Variants in LRRC49 observed in about 807,000 individuals in gnomAD.
LRRC49 encodes leucine rich repeat containing 49.
In LRRC49, 50 loss-of-function variants were observed where a neutral mutation model predicts 83.3. That is an observed-to-expected ratio of 0.60 (90% CI 0.48 to 0.76). LRRC49 has a LOEUF of 0.76. LRRC49 is among the 30% of genes least tolerant of loss of function. The pLI is 0.00. For synonymous variants in LRRC49, 286 were observed against 283.3 expected, an observed-to-expected ratio of 1.01 and a Z score of -0.10; for missense variants, 704 against 809.1, an observed-to-expected ratio of 0.87 and a Z score of 1.58.
chr15:70,918,706 G>C (rs1474463547), intron 6 of LRRC49: 1 of 169,298 alleles, frequency 5.9e-6, no homozygotes, highest in Non-Finnish European at 1.3e-5. Flanking sequence ...TATGCCTTGG[G>C]ATCACAGTAT....
intron 2 of LRRC49, among the ~76,000 whole-genome samples, chr15:70,879,502 C>T (rs1411520485): frequency 1.3e-5 from 2 of 152,210 alleles, no homozygotes; most frequent in South Asian, 2.1e-4. Flanking sequence ...CTTGGCTGGA[C>T]TCAAACTCCA....
chr15:70,978,517 G>T (rs1035534289), intron 9 of LRRC49, among the ~76,000 whole-genome samples: 5 of 152,312 alleles, frequency 3.3e-5, no homozygotes, highest in Admixed American at 3.3e-4. Context: ...TCTTGGATAT[G>T]CAAAGACACA....
intron 13 of LRRC49, among the ~76,000 whole-genome samples, chr15:71,012,365 T>C (rs1203946520): frequency 6.6e-6 from 1 of 152,058 alleles, no homozygotes; most frequent in African/African-American, 2.4e-5. Flanking sequence ...AGGGACAAAA[T>C]TATCCCTATA....
At chr15:70,905,763 G>C (rs1199655904) in intron 5 of LRRC49, among the ~76,000 whole-genome samples, 1 of 152,000 alleles carries the variant, frequency 6.6e-6, no homozygotes, top group African/African-American at 2.4e-5. Flanking sequence ...GATTCTTCTT[G>C]GTGTCTCTGT....
chr15:70,894,637 C>T, intron 2 of LRRC49: 2 of 1,287,014 alleles, frequency 1.6e-6, no homozygotes, highest in Non-Finnish European at 2.0e-6. Context: ...CCTCCTTTGA[C>T]CAAGTTGGAA....
At chr15:71,000,888 C>T (rs2038231905) in intron 11 of LRRC49, among the ~76,000 whole-genome samples, 1 of 151,290 alleles carries the variant, frequency 6.6e-6, no homozygotes, top group East Asian at 1.9e-4. Flanking sequence ...GTATTTCTGT[C>T]CTCTCAACCT....
chr15:70,911,257 A>T (rs751584002), intron 5 of LRRC49, among the ~76,000 whole-genome samples: 12 of 152,124 alleles, frequency 7.9e-5, no homozygotes, highest in Non-Finnish European at 1.6e-4. Flanking sequence ...AATGTGAAGA[A>T]CTGCCTTGAA....
At chr15:70,891,600 TGTGTGTGTGTGTGTGTGTGA>T (rs2033570553), upstream of LRRC49, among the ~76,000 whole-genome samples, 1 of 144,256 alleles carries the variant, frequency 6.9e-6, no homozygotes. Context: ...TGTGTGTGTG[TGTGTGTGTGTGTGTGTGTGA>T]GTTTTGGGGG....
chr15:70,866,305 C>T (rs940823643), intron 1 of LRRC49, among the ~76,000 whole-genome samples: 2 of 151,992 alleles, frequency 1.3e-5, no homozygotes, highest in African/African-American at 4.8e-5. Flanking sequence ...TGCCACCATG[C>T]CTGGCTAATT....
intron 7 of LRRC49, among the ~76,000 whole-genome samples, chr15:70,927,048 A>T (rs868213569): frequency 6.6e-6 from 1 of 152,180 alleles, no homozygotes; most frequent in Non-Finnish European, 1.5e-5. Flanking sequence ...ATCTCACACC[A>T]GTTAGAATGG....
At chr15:70,881,793 T>C (rs1366341709) in intron 2 of LRRC49, 2 of 152,238 alleles carry the variant, frequency 1.3e-5, no homozygotes, top group Non-Finnish European at 1.5e-5. Context: ...TGTGTCGCAG[T>C]AAGCACTGAT....
chr15:70,859,530 G>T, intron 1 of LRRC49: 5 of 674,546 alleles, frequency 7.4e-6, no homozygotes, highest in Middle Eastern at 6.9e-4. Flanking sequence ...ATTGCCAACC[G>T]CAGCCAGGCG....
intron 14 of LRRC49, among the ~76,000 whole-genome samples, chr15:71,020,384 G>T (rs1428877279): frequency 1.3e-5 from 2 of 152,134 alleles, no homozygotes; most frequent in African/African-American, 4.8e-5. Context: ...AAGACACAAT[G>T]GAGAGCATAG....
chr15:70,957,672 T>C lies in LRRC49; in HGVS notation c.774-6113T>C, dbSNP rs557746053. Among the ~76,000 whole-genome samples, 48 of 152,102 alleles carry C rather than the reference T, an allele frequency of 3.2e-4. 1 individual carries two copies. The highest frequency in any genetic ancestry group is 1.1e-3 in the African/African-American group (46 of 41,456). On this transcript the variant is annotated intron_variant, in intron 8 of 15. Coordinates refer to ENST00000260382, the MANE Select transcript of LRRC49 (RefSeq NM_017691.5). ...TAATTCTATTGAGTTAGGTTGAGTATTGGAAAAAAAAATGCTCTTCAACAT... is the reference window on the plus strand; with the variant it reads ...TAATTCTATTGAGTTAGGTTGAGTACTGGAAAAAAAAATGCTCTTCAACAT...
intron 11 of LRRC49, among the ~76,000 whole-genome samples, chr15:71,007,001 C>T (rs1042004292): frequency 2.0e-5 from 3 of 152,034 alleles, no homozygotes; most frequent in African/African-American, 7.2e-5. Flanking sequence ...TACTACTACT[C>T]ATTGGATATT....
At chr15:70,938,881 A>G (rs188941783) in intron 8 of LRRC49, among the ~76,000 whole-genome samples, 1 of 152,314 alleles carries the variant, frequency 6.6e-6, no homozygotes, top group African/African-American at 2.4e-5. Flanking sequence ...CAAAACCCAT[A>G]TAGGGATCCT....
chr15:70,859,993 T>C (rs1198355581), intron 1 of LRRC49: 19 of 755,512 alleles, frequency 2.5e-5, no homozygotes, highest in Non-Finnish European at 4.1e-5. Context: ...GCTCCACCTA[T>C]GGGGACCTCA....
At chr15:70,962,129 C>T (rs2036623057) in intron 8 of LRRC49, among the ~76,000 whole-genome samples, 1 of 152,102 alleles carries the variant, frequency 6.6e-6, no homozygotes, top group African/African-American at 2.4e-5. Context: ...CATTCTGATA[C>T]CTCTATACAT....
intron 11 of LRRC49, among the ~76,000 whole-genome samples, chr15:70,989,858 C>T (rs549180229): frequency 6.6e-6 from 1 of 152,226 alleles, no homozygotes; most frequent in East Asian, 1.9e-4. Context: ...CAGACAGGAC[C>T]CTCAGCTGCA....
Sources: gnomAD v4.1 joint callset for allele counts (sites outside exome capture counted in the v4.1 genomes callset) on GRCh38, gnomAD v4.1.1 for gene constraint, MANE v1.5 for transcripts, NCBI Gene and HGNC (gene_info 2026-07-23, HGNC 2026-07-21) for gene names.